The following TLE1 variants were observed in gnomAD, a reference collection of about 807,000 sequenced individuals.
The protein encoded by TLE1 is TLE family member 1, transcriptional corepressor.
TLE1 carries 21 observed loss-of-function variants against 89.8 expected under a neutral mutation model. The ratio of observed to expected loss-of-function variants is 0.23; its 90% CI spans 0.17 to 0.34. The LOEUF (loss-of-function observed/expected upper bound fraction) is 0.34, where lower values mean the gene tolerates loss of function less well. Among genes scored for constraint, TLE1 ranks in the 10% least tolerant of loss-of-function variants. TLE1 has a pLI of 1.00. For missense variants in TLE1, 795 were observed against 1,031.2 expected (o/e 0.77, Z 3.14); for synonymous variants, 447 against 407.6 (o/e 1.10, Z -1.16).
At chr9:81,641,131 C>G (rs11139353) in intron 6 of TLE1, among the ~76,000 whole-genome samples, 32,396 of 152,074 alleles carry the variant, frequency 0.21, 4,186 homozygotes, top group Non-Finnish European at 0.29. Context: ...ACAGTTCTCT[C>G]CAAATCACTC....
chr9:81,666,080 A>T (rs1831425531), intron 4 of TLE1, among the ~76,000 whole-genome samples: 1 of 152,176 alleles, frequency 6.6e-6, no homozygotes, highest in Non-Finnish European at 1.5e-5. Flanking sequence ...CCTAAATAGC[A>T]CATTTCCATT....
chr9:81,687,280 G>GC lies in TLE1; in HGVS notation c.125+53dup, dbSNP rs1057326010. ...AGGCGCCGCCGCCACCCGGCTGGGT[G>GC]CAAGGGGCACCGGGACGCCCGCGAC... On this transcript the variant is annotated intron_variant, in intron 2 of 19. Coordinates refer to ENST00000376499, the MANE Select transcript of TLE1 (RefSeq NM_005077.5). 6 of 1,501,614 alleles carry GC rather than the reference G, an allele frequency of 4.0e-6. No individual in the cohort carries two copies. In the African/African-American group the frequency reaches 8.2e-5, roughly 21 times the overall value. 93.0% of individuals were successfully genotyped at this position (1,501,614 alleles called of 1,614,324 possible). A position where few individuals can be genotyped will look rare whatever the true frequency, so the allele number is the denominator to read the frequency against.
intron 6 of TLE1, among the ~76,000 whole-genome samples, chr9:81,649,671 A>G (rs913526346): frequency 1.3e-5 from 2 of 152,160 alleles, no homozygotes; most frequent in African/African-American, 4.8e-5. Flanking sequence ...GCCCCTGAAC[A>G]ATACTGACAG....
intron 6 of TLE1, among the ~76,000 whole-genome samples, chr9:81,634,584 G>T (rs1276217319): frequency 6.6e-6 from 1 of 152,084 alleles, no homozygotes; most frequent in East Asian, 1.9e-4. Flanking sequence ...TCACTTTCTG[G>T]TATCACTCAC....
chr9:81,621,477 T>C (rs1825248748), intron 8 of TLE1, among the ~76,000 whole-genome samples: 1 of 152,168 alleles, frequency 6.6e-6, no homozygotes, highest in African/African-American at 2.4e-5. Context: ...TGCAAAAACC[T>C]CCTTTCACAA....
At chr9:81,612,220 G>A in intron 12 of TLE1, 7 of 885,946 alleles carry the variant, frequency 7.9e-6, no homozygotes, top group Non-Finnish European at 1.0e-5. Context: ...GCACCAGGAA[G>A]CCAGGGGAAT....
chr9:81,599,173 C>A (rs895894065), intron 14 of TLE1, among the ~76,000 whole-genome samples: 1 of 152,144 alleles, frequency 6.6e-6, no homozygotes. Context: ...TGCCACATCA[C>A]AGGAGGGGGC....
intron 4 of TLE1, among the ~76,000 whole-genome samples, chr9:81,671,395 C>G (rs965865146): frequency 1.3e-5 from 2 of 151,928 alleles, no homozygotes; most frequent in African/African-American, 4.8e-5. Flanking sequence ...ACCTGTAATC[C>G]TAGCACTTTG....
chr9:81,616,490 T>C (rs1362299001), intron 10 of TLE1, among the ~76,000 whole-genome samples, 156 bp downstream of exon 10: 1 of 152,254 alleles, frequency 6.6e-6, no homozygotes, highest in Non-Finnish European at 1.5e-5. Flanking sequence ...TAGACCATTA[T>C]TGCTCCATAC....
Position 81,593,123 on chromosome 9 carries a change from G to A in TLE1, c.1483C>T (p.Pro495Ser), listed in dbSNP as rs1472978209. ...EVVCAVTISN[P>S]TRHVYTGGKG... is the part of the protein sequence containing the mutation. ...CCGCCTGTGTACACGTGTCTCGTGG[G>A]GTTGCTGATGGTCACAGCGCACACC... Residue 495 changes from proline (P) to serine (S), a missense_variant, in exon 15 of 20, where the codon CCC becomes TCC. Around this residue, in one of 4 missense-constraint regions of TLE1, gnomAD observed 468 missense variants for 509.1 expected, o/e 0.92. Transcript: ENST00000376499. 1 of 1,614,174 alleles carries A rather than the reference G, an allele frequency of 6.2e-7. No homozygotes were observed. The highest frequency in any genetic ancestry group is 8.5e-7 in the Non-Finnish European group (1 of 1,180,040).
chr9:81,591,309 G>A (rs1000382591), intron 15 of TLE1, among the ~76,000 whole-genome samples: 2 of 152,162 alleles, frequency 1.3e-5, no homozygotes, highest in Non-Finnish European at 2.9e-5. Context: ...TAGGTATGAG[G>A]TACAGGTGTA....
At chr9:81,682,779 A>C (rs550553623) in intron 4 of TLE1, among the ~76,000 whole-genome samples, 1 of 152,286 alleles carries the variant, frequency 6.6e-6, no homozygotes, top group Admixed American at 6.5e-5. Context: ...CTGTATAGAG[A>C]TATCTAGAGT....
At chr9:81,623,909 G>GTTCCTC (rs2132226972) in intron 8 of TLE1, among the ~76,000 whole-genome samples, 1 of 152,112 alleles carries the variant, frequency 6.6e-6, no homozygotes, top group South Asian at 2.1e-4. Context: ...GAGACATTTC[G>GTTCCTC]TTCCTCTTCC....
Position 81,616,716 on chromosome 9 carries a change from T to C in TLE1, c.712-17A>G, listed in dbSNP as rs1824560128. ...ATCACTGTCCTGGAAAAAAGAAACATTAACGCCATTTACTAAAAGCTAAGA... is the reference window on the plus strand; with the variant it reads ...ATCACTGTCCTGGAAAAAAGAAACACTAACGCCATTTACTAAAAGCTAAGA... On this transcript the variant is annotated splice_polypyrimidine_tract_variant and intron_variant, in intron 9 of 19. Transcript: ENST00000376499. 1.2e-6 allele frequency: 2 copies of C among 1,613,984 alleles called. No individual in the cohort carries two copies. The highest frequency in any genetic ancestry group is 1.7e-6 in the Non-Finnish European group (2 of 1,179,908).
intron 14 of TLE1, among the ~76,000 whole-genome samples, chr9:81,608,177 G>A (rs1353937864): frequency 6.6e-6 from 1 of 152,058 alleles, no homozygotes; most frequent in East Asian, 1.9e-4. Context: ...GGGAGGCCAA[G>A]GCAGGAGGAC....
At chr9:81,602,212 C>T (rs1179240785) in intron 14 of TLE1, among the ~76,000 whole-genome samples, 2 of 152,104 alleles carry the variant, frequency 1.3e-5, no homozygotes, top group African/African-American at 4.8e-5. Context: ...AGGCTCATCC[C>T]ATTGTGTTAG....
chr9:81,584,777 G>A (rs1056998935), intron 18 of TLE1, among the ~76,000 whole-genome samples: 9 of 151,970 alleles, frequency 5.9e-5, no homozygotes, highest in East Asian at 3.9e-4. Context: ...TCCAACACAC[G>A]GTAACCCTCA....
At chr9:81,622,475 A>G (rs2796472) in intron 8 of TLE1, among the ~76,000 whole-genome samples, 149,474 of 152,314 alleles carry the variant, frequency 0.98, 73,357 homozygotes, top group East Asian at 1. Flanking sequence ...ATGATGTCAA[A>G]TGGTACTGTG....
intron 4 of TLE1, among the ~76,000 whole-genome samples, chr9:81,672,820 A>C (rs2132972570): frequency 6.6e-6 from 1 of 152,290 alleles, no homozygotes; most frequent in East Asian, 1.9e-4. Flanking sequence ...ACTTACTTTG[A>C]TAGAATGAAC....
Sources: allele counts gnomAD v4.1 joint callset (sites outside exome capture counted in the v4.1 genomes callset), GRCh38; gene constraint gnomAD v4.1.1; regional missense constraint gnomAD v4.1.1; transcripts MANE v1.5; gene names NCBI Gene and HGNC (gene_info 2026-07-23, HGNC 2026-07-21).